CTNNA2: variants seen among roughly 807,000 people sequenced by gnomAD.
CTNNA2 encodes catenin alpha-2.
A neutral mutation model predicts 101.0 loss-of-function variants in CTNNA2; 42 were observed. The observed-to-expected ratio is 0.42, with a 90% CI of 0.32 to 0.54. The LOEUF (loss-of-function observed/expected upper bound fraction) is 0.54. Ranked by LOEUF, CTNNA2 falls within the 20% of genes least tolerant of loss-of-function variation. The pLI, the probability that CTNNA2 is intolerant of heterozygous loss-of-function variation, is 0.14. For missense variants in CTNNA2, 871 were observed against 1,223.1 expected, an observed-to-expected ratio of 0.71 and a Z score of 4.29; for synonymous variants, 450 against 456.4, an observed-to-expected ratio of 0.99 and a Z score of 0.18.
chr2:80,078,894 G>A (rs996025646), intron 7 of CTNNA2, among the ~76,000 whole-genome samples: 6 of 152,138 alleles, frequency 3.9e-5, no homozygotes, highest in Admixed American at 6.5e-5. Context: ...GGGATGACAT[G>A]GTTTCCTTTT....
chr2:79,767,672 T>C (rs1193738566), intron 3 of CTNNA2, among the ~76,000 whole-genome samples: 1 of 151,936 alleles, frequency 6.6e-6, no homozygotes, highest in Non-Finnish European at 1.5e-5. Context: ...ACTCTTGTTC[T>C]CCTCCCTTCA....
intron 2 of CTNNA2, among the ~76,000 whole-genome samples, chr2:79,677,345 G>T (rs998616752): frequency 6.6e-6 from 1 of 152,108 alleles, no homozygotes; most frequent in Non-Finnish European, 1.5e-5. Flanking sequence ...CAAGGAATCT[G>T]CCAAGCCTAT....
chr2:80,583,597 G>A (rs557307944), intron 14 of CTNNA2, among the ~76,000 whole-genome samples: 1 of 152,250 alleles, frequency 6.6e-6, no homozygotes, highest in Non-Finnish European at 1.5e-5. Context: ...TATACATACA[G>A]CCTAGTATCC....
chr2:79,586,144 G>A (rs1676472037), intron 1 of CTNNA2, among the ~76,000 whole-genome samples: 1 of 152,056 alleles, frequency 6.6e-6, no homozygotes, highest in Admixed American at 6.6e-5. Context: ...CTTTCTCTCT[G>A]CTGTCTGCAC....
At chr2:80,063,609 G>A (rs536592513) in intron 7 of CTNNA2, among the ~76,000 whole-genome samples, 1 of 152,324 alleles carries the variant, frequency 6.6e-6, no homozygotes, top group Non-Finnish European at 1.5e-5. Context: ...GGCATCAGAG[G>A]AGTAGAAAGC....
chr2:79,772,506 A>C (rs1179237225), intron 3 of CTNNA2, among the ~76,000 whole-genome samples: 1 of 152,220 alleles, frequency 6.6e-6, no homozygotes, highest in Non-Finnish European at 1.5e-5. Context: ...CATCTTCAGC[A>C]TGAGGCTTCA....
intron 3 of CTNNA2, among the ~76,000 whole-genome samples, chr2:79,372,009 A>G (rs1378839322): frequency 6.6e-6 from 1 of 152,166 alleles, no homozygotes. Context: ...TGAAAACTCT[A>G]AAACAGCCAT....
intron 2 of CTNNA2, among the ~76,000 whole-genome samples, chr2:79,209,353 G>A (rs895478075): frequency 6.6e-6 from 1 of 152,136 alleles, no homozygotes; most frequent in Admixed American, 6.5e-5. Context: ...GCTCAGTAGA[G>A]TTTTAATTGA....
At chr2:79,540,452 C>T (rs1363987922) in intron 1 of CTNNA2, among the ~76,000 whole-genome samples, 1 of 152,204 alleles carries the variant, frequency 6.6e-6, no homozygotes, top group Non-Finnish European at 1.5e-5. Flanking sequence ...AGAAGAGAAG[C>T]AGAGTTTTGC....
At chr2:80,080,674 T>C (rs1699078901) in intron 7 of CTNNA2, among the ~76,000 whole-genome samples, 1 of 152,086 alleles carries the variant, frequency 6.6e-6, no homozygotes, top group Non-Finnish European at 1.5e-5. Context: ...GGAGACCTGA[T>C]TCATTGATTC....
intron 7 of CTNNA2, among the ~76,000 whole-genome samples, chr2:80,225,697 A>G (rs948439140): frequency 6.6e-6 from 1 of 152,222 alleles, no homozygotes; most frequent in African/African-American, 2.4e-5. Flanking sequence ...TGAAGCATAA[A>G]TGTAGGATGA....
chr2:80,305,803 G>A (rs74368920), intron 7 of CTNNA2, among the ~76,000 whole-genome samples: 1 of 152,136 alleles, frequency 6.6e-6, no homozygotes, highest in African/African-American at 2.4e-5. Flanking sequence ...AGATGGCTGA[G>A]AAAGCCTGCG....
At chr2:80,543,863 A>G (rs1691800000) in intron 9 of CTNNA2, among the ~76,000 whole-genome samples, 1 of 152,190 alleles carries the variant, frequency 6.6e-6, no homozygotes. Context: ...ACAAGACTCC[A>G]GGGATTCTGT....
chr2:79,307,191 G>A (rs903429966), intron 2 of CTNNA2, among the ~76,000 whole-genome samples: 4 of 152,098 alleles, frequency 2.6e-5, no homozygotes, highest in Admixed American at 6.5e-5. Context: ...TCAGATCAGG[G>A]TAATGAGCAT....
At chr2:79,981,996 A>G (rs1691308469) in intron 7 of CTNNA2, among the ~76,000 whole-genome samples, 1 of 151,350 alleles carries the variant, frequency 6.6e-6, no homozygotes, top group Non-Finnish European at 1.5e-5. Context: ...AGGATTATAT[A>G]TAAAAACAGC....
At chr2:80,308,402 A>G (rs975632713) in intron 7 of CTNNA2, among the ~76,000 whole-genome samples, 3 of 152,118 alleles carry the variant, frequency 2.0e-5, no homozygotes, top group African/African-American at 7.2e-5. Flanking sequence ...GTTGTCTTTA[A>G]TTTTCAGTGG....
At chr2:80,484,174 A>ATTT (rs1686364860) in intron 9 of CTNNA2, among the ~76,000 whole-genome samples, 1 of 152,088 alleles carries the variant, frequency 6.6e-6, no homozygotes, top group Non-Finnish European at 1.5e-5. Flanking sequence ...AATTTTTTTA[A>ATTT]TTTAAAGTAT....
intron 7 of CTNNA2, among the ~76,000 whole-genome samples, chr2:79,999,516 T>C (rs1238969384): frequency 2.0e-5 from 3 of 152,170 alleles, no homozygotes. Context: ...ACAAGGAGTA[T>C]AACAGAGAAA....
intron 3 of CTNNA2, among the ~76,000 whole-genome samples, chr2:79,372,443 C>T (rs1012766734): frequency 6.6e-6 from 1 of 152,146 alleles, no homozygotes; most frequent in Non-Finnish European, 1.5e-5. Context: ...TAATCATGTG[C>T]TCTGTGTATA....
Sources: gnomAD v4.1 joint callset for allele counts (sites outside exome capture counted in the v4.1 genomes callset) on GRCh38, gnomAD v4.1.1 for gene constraint, MANE v1.5 for transcripts, NCBI Gene and HGNC (gene_info 2026-07-23, HGNC 2026-07-21) for gene names.